The following NTF4 variants were observed in gnomAD, a reference collection of about 807,000 sequenced individuals.
NTF4 encodes the protein neurotrophin 4.
Under a neutral mutation model 4.4 loss-of-function variants are expected in NTF4, and 2 were observed. That is an observed-to-expected ratio of 0.46 (90% confidence interval 0.19 to 1.44). The LOEUF is 1.44. Ranked by LOEUF, NTF4 falls within the 40% of genes most tolerant of loss-of-function variation. NTF4 has a pLI of 0.26. For synonymous variants in NTF4, 127 were observed against 122.0 expected (o/e 1.04, Z -0.27); for missense variants, 260 against 293.0 (o/e 0.89, Z 0.82).
rs374345134 is a variant in NTF4 at position 49,061,545 on chromosome 19, C to A, written c.453G>T (p.Pro151=). 1 of 1,614,172 alleles carries A rather than the reference C, an allele frequency of 6.2e-7. No individual in the cohort carries two copies. The highest frequency in any genetic ancestry group is 8.5e-7 in the Non-Finnish European group (1 of 1,180,036). Residue 151 remains proline, a synonymous_variant, in exon 1 of 1, where the codon CCG becomes CCT. Coordinates refer to ENST00000593537, the Ensembl canonical transcript of NTF4. The surrounding 1 kb of genome is among the most constrained non-coding windows in gnomAD (Gnocchi z 4.9). ...CCCGGCAGCCCCCTCCACCTGCCCC[C>A]GGGCCACCTTCCTCAGCGTTATCAG...
upstream of NTF4, among the ~76,000 whole-genome samples, chr19:49,062,989 C>T (rs1011915897): frequency 2.0e-5 from 3 of 151,114 alleles, no homozygotes; most frequent in Non-Finnish European, 2.9e-5. Flanking sequence ...GACAGTCTTG[C>T]ATCTTGGAGG....
chr19:49,059,910 G>A (rs528310574), downstream of NTF4, among the ~76,000 whole-genome samples: 7 of 151,700 alleles, frequency 4.6e-5, no homozygotes, highest in South Asian at 8.3e-4. Flanking sequence ...GTAGCCGGGC[G>A]TGGTGGCGCA....
chr19:49,059,591 G>A (rs957149669), downstream of NTF4, among the ~76,000 whole-genome samples: 2 of 152,138 alleles, frequency 1.3e-5, no homozygotes, highest in African/African-American at 2.4e-5. Flanking sequence ...CCTGCCCAGG[G>A]GCCTGGTCTG....
At chr19:49,062,197 A>G (rs2040160566), upstream of NTF4, among the ~76,000 whole-genome samples, 1 of 152,154 alleles carries the variant, frequency 6.6e-6, no homozygotes, top group Non-Finnish European at 1.5e-5. Context: ...TAAATATTCA[A>G]CTACTACAGG....
In NTF4 at chr19:49,061,120, T is replaced by A; in HGVS notation, c.*245A>T. ...ATTAGGGATAAGAAACAGTAAACACTCAGTAAATAGTGGCTATTATTATTA... is the reference window on the plus strand; with the variant it reads ...ATTAGGGATAAGAAACAGTAAACACACAGTAAATAGTGGCTATTATTATTA... On this transcript the variant is annotated 3_prime_UTR_variant, in exon 1 of 1. Coordinates refer to ENST00000593537, the Ensembl canonical transcript of NTF4. This position sits in a 1 kb window ranked among gnomAD's most constrained non-coding sequence, Gnocchi z 4.9. 1.6e-6 allele frequency: 1 copy of A among 634,046 alleles called. No homozygotes were observed. Among genetic ancestry groups the A allele is most frequent in the Non-Finnish European group, 2.7e-6 (1 of 374,490 alleles). 39.3% of individuals were successfully genotyped at this position (634,046 alleles called of 1,614,324 possible).
At chr19:49,059,258 G>A (rs1028239918), downstream of NTF4, among the ~76,000 whole-genome samples, 1 of 152,198 alleles carries the variant, frequency 6.6e-6, no homozygotes, top group Non-Finnish European at 1.5e-5. Flanking sequence ...GAAGGAGTCA[G>A]CGCTGGTGTC....
rs375526828 is a variant in NTF4, at chr19:49,061,433, C to G, written c.565G>C (p.Gly189Arg). ...GTGTCAATTCGAATCCATCGCCAGC[C>G]CACACGGCCCTGGGCATCAGCGGTC... The change falls in exon 1 of 1, where the codon GGC becomes CGC. Residue 189 changes from glycine (G) to arginine (R), a missense_variant. Physicochemically the swap from Gly to Arg is moderately radical, Grantham distance 125. Coordinates refer to ENST00000593537, the Ensembl canonical transcript of NTF4. This position sits in a 1 kb window ranked among gnomAD's most constrained non-coding sequence, Gnocchi z 4.9. 17 of 1,613,896 alleles carry G rather than the reference C, an allele frequency of 1.1e-5. No individual in the cohort carries two copies. Among genetic ancestry groups the G allele is most frequent in the Admixed American group, 1.7e-5 (1 of 60,004 alleles).
At chr19:49,059,669 T>G (rs1183053502), downstream of NTF4, among the ~76,000 whole-genome samples, 1 of 151,790 alleles carries the variant, frequency 6.6e-6, no homozygotes, top group Non-Finnish European at 1.5e-5. Flanking sequence ...GAGAGAGAGT[T>G]GGTGGGGCGA....
chr19:49,059,704 T>TGAA (rs2040109838), downstream of NTF4, among the ~76,000 whole-genome samples: 1 of 152,106 alleles, frequency 6.6e-6, no homozygotes, highest in African/African-American at 2.4e-5. Flanking sequence ...AGGGCTATTG[T>TGAA]GAAGGCCTGT....
downstream of NTF4, among the ~76,000 whole-genome samples, chr19:49,059,934 A>T (rs1298441454): frequency 6.7e-6 from 1 of 148,864 alleles, no homozygotes; most frequent in Non-Finnish European, 1.5e-5. Flanking sequence ...CTGTAATCCC[A>T]ACTAAGGCAG....
chr19:49,063,958 G>A (rs2040184479), upstream of NTF4: 1 of 152,270 alleles, frequency 6.6e-6, no homozygotes, highest in Admixed American at 6.5e-5. Context: ...TCAAGTGCAG[G>A]GTACCCAAGA....
chr19:49,060,185 C>A (rs2040116115), downstream of NTF4, among the ~76,000 whole-genome samples: 1 of 151,828 alleles, frequency 6.6e-6, no homozygotes, highest in South Asian at 2.1e-4. Context: ...TCCCACTTAC[C>A]CCTCCTCCCC....
chr19:49,058,664 T>G, downstream of NTF4: 2 of 291,134 alleles, frequency 6.9e-6, no homozygotes, highest in Non-Finnish European at 6.4e-6. Flanking sequence ...ATGGGTAACG[T>G]AGCTGCTGGT....
chr19:49,058,582 C>T (rs2040095200), downstream of NTF4: 2 of 481,544 alleles, frequency 4.2e-6, no homozygotes, highest in East Asian at 6.8e-5. Flanking sequence ...TCCCCAGGCC[C>T]CGCAGGGCTT....
At chr19:49,061,020 G>C (rs1055646442), downstream of NTF4, 12 of 342,218 alleles carry the variant, frequency 3.5e-5, no homozygotes, top group Non-Finnish European at 6.7e-5. This position sits in a 1 kb window ranked among gnomAD's most constrained non-coding sequence, Gnocchi z 4.9. Flanking sequence ...TGTCCTCTGA[G>C]ACTGAGTAGT....
rs572957948 is a variant in NTF4 at position 49,061,408 on chromosome 19, G to C, written c.590C>G (p.Thr197Ser). 6.2e-7 allele frequency: 1 copy of C among 1,613,406 alleles called. No individual in the cohort carries two copies. Among genetic ancestry groups the C allele is most frequent in the Non-Finnish European group, 8.5e-7 (1 of 1,180,034 alleles). The change falls in exon 1 of 1, where the codon ACT (threonine) becomes AGT (serine). Residue 197 changes from threonine (T) to serine (S), a missense_variant. By Grantham distance (58) the Thr-to-Ser change is moderately conservative. Transcript: ENST00000593537. The surrounding 1 kb of genome is among the most constrained non-coding windows in gnomAD (Gnocchi z 4.9). ...GCTGAGGAGTGTGCAGACGCAGGCA[G>C]TGTCAATTCGAATCCATCGCCAGCC...
downstream of NTF4, chr19:49,058,770 T>G: frequency 6.0e-6 from 1 of 167,222 alleles, no homozygotes. Flanking sequence ...CTGGCCATGG[T>G]TCCACCCCCT....
At position 49,061,872 on chromosome 19, in the gene NTF4, G is replaced by A. The variant is rs754267965; in HGVS notation, c.126C>T (p.Leu42=). Residue 42 remains leucine (L), a synonymous_variant, in exon 1 of 1, where the codon CTC becomes CTT. Transcript: ENST00000593537. This position sits in a 1 kb window ranked among gnomAD's most constrained non-coding sequence, Gnocchi z 4.9. ...CCCTAGACAGGACTACTCGGGGGGAGAGAAGGTCCCACTCAGGGGCCAGAA... is the reference window on the plus strand; with the variant it reads ...CCCTAGACAGGACTACTCGGGGGGAAAGAAGGTCCCACTCAGGGGCCAGAA... 1.3e-6 allele frequency: 2 copies of A among 1,541,480 alleles called. No individual in the cohort carries two copies. The highest frequency in any genetic ancestry group is 2.4e-5 in the South Asian group (2 of 83,918).
downstream of NTF4, among the ~76,000 whole-genome samples, chr19:49,060,289 G>C (rs62127896): frequency 6.6e-6 from 1 of 151,778 alleles, no homozygotes; most frequent in Admixed American, 6.6e-5. Flanking sequence ...CCAGGGGGCC[G>C]ATGAGTTAGT....
Sources: allele counts gnomAD v4.1 joint callset (sites outside exome capture counted in the v4.1 genomes callset), GRCh38; gene constraint gnomAD v4.1.1; non-coding constraint Gnocchi (gnomAD v3.1); transcripts MANE v1.5; gene names NCBI Gene and HGNC (gene_info 2026-07-23, HGNC 2026-07-21).